Variants in MYRIP observed in about 807,000 individuals in gnomAD.
MYRIP encodes the protein myosin VIIA and Rab interacting protein.
MYRIP carries 49 observed loss-of-function variants against 98.0 expected under a neutral mutation model. The ratio of observed to expected loss-of-function variants is 0.50; its 90% CI spans 0.40 to 0.63. The LOEUF (loss-of-function observed/expected upper bound fraction) is 0.63, where lower values mean the gene tolerates loss of function less well. Ranked by LOEUF, MYRIP falls within the 30% of genes least tolerant of loss-of-function variation. The pLI is 0.00. For missense variants in MYRIP, 1,004 were observed against 1,058.2 expected (o/e 0.95, Z 0.71); for synonymous variants, 404 against 409.5 (o/e 0.99, Z 0.16).
intron 4 of MYRIP, among the ~76,000 whole-genome samples, chr3:40,162,475 G>C (rs1311802641): frequency 6.6e-6 from 1 of 152,134 alleles, no homozygotes; most frequent in African/African-American, 2.4e-5. Flanking sequence ...ACTCCATATT[G>C]CCTGCAAAGA....
At chr3:40,026,625 C>T (rs1947136124) in intron 2 of MYRIP, among the ~76,000 whole-genome samples, 1 of 152,120 alleles carries the variant, frequency 6.6e-6, no homozygotes. Flanking sequence ...CCAGTCCCTC[C>T]ATTCAGGGTC....
chr3:40,158,912 C>G (rs1470698924), intron 4 of MYRIP, among the ~76,000 whole-genome samples: 1 of 151,942 alleles, frequency 6.6e-6, no homozygotes, highest in Non-Finnish European at 1.5e-5. Context: ...GATGGGTTTC[C>G]TGAATACAGC....
At chr3:40,022,407 T>C (rs184836227) in intron 2 of MYRIP, among the ~76,000 whole-genome samples, 1 of 152,150 alleles carries the variant, frequency 6.6e-6, no homozygotes, top group Non-Finnish European at 1.5e-5. Context: ...AGGAAAAAGA[T>C]AAATTTGTCA....
chr3:40,005,958 G>A (rs1946624669), intron 2 of MYRIP, among the ~76,000 whole-genome samples: 1 of 152,144 alleles, frequency 6.6e-6, no homozygotes, highest in African/African-American at 2.4e-5. Flanking sequence ...GATAGACAAG[G>A]GAAGGCCTTT....
At chr3:40,250,990 T>C (rs1953360011) in intron 15 of MYRIP, among the ~76,000 whole-genome samples, 2 of 152,246 alleles carry the variant, frequency 1.3e-5, no homozygotes, top group Admixed American at 1.3e-4. Flanking sequence ...TGGTACTTGC[T>C]GTAGGATCTG....
chr3:40,158,315 A>T (rs1575584454), intron 4 of MYRIP, among the ~76,000 whole-genome samples: 2 of 151,974 alleles, frequency 1.3e-5, no homozygotes, highest in South Asian at 2.1e-4. Context: ...TTTGAGTGAG[A>T]TTCTTAATCC....
chr3:39,957,137 C>A lies in MYRIP; in HGVS notation c.110+56211C>A, dbSNP rs1020266690. Among the ~76,000 whole-genome samples the A allele has an allele frequency of 2.0e-5, 3 of 151,912 alleles. 1 individual carries two copies. Among genetic ancestry groups the A allele is most frequent in the African/African-American group, 7.3e-5 (3 of 41,210 alleles). The stretch of plus-strand genomic sequence containing the variant: ...TGGTACCATTCCTTCTGAAACTATT[C>A]CAATCAATAGAAAAAGAGGGAATCC... On this transcript the variant is annotated intron_variant, in intron 2 of 16. Coordinates refer to ENST00000302541, the MANE Select transcript of MYRIP (RefSeq NM_015460.4).
In MYRIP at chr3:40,258,383, A is replaced by G; in HGVS notation, c.*217A>G. 2.0e-6 allele frequency: 1 copy of G among 508,842 alleles called. No homozygotes were observed. The highest frequency in any genetic ancestry group is 3.5e-6 in the Non-Finnish European group (1 of 282,758). The allele number at this position is 508,842 out of a possible 1,614,324, so 31.5% of individuals were successfully genotyped here. ...TGCCCACTCTCTGCCTTAGGCTCCCAGGGGAATCCAAGACAGAAAATGAAG... is the reference window on the plus strand; with the variant it reads ...TGCCCACTCTCTGCCTTAGGCTCCCGGGGGAATCCAAGACAGAAAATGAAG... On this transcript the variant is annotated 3_prime_UTR_variant, in exon 17 of 17. Coordinates refer to ENST00000302541, the MANE Select transcript of MYRIP (RefSeq NM_015460.4).
intron 2 of MYRIP, 143 bp downstream of exon 2, chr3:39,901,069 G>A (rs911036206): frequency 9.8e-6 from 6 of 614,452 alleles, no homozygotes; most frequent in Non-Finnish European, 1.7e-5. Flanking sequence ...TTTGTAGAAA[G>A]GTTTGCCAGT....
Position 40,192,855 on chromosome 3 carries a change from G to A in MYRIP, c.1665+2392G>A, listed in dbSNP as rs534896968. Among the ~76,000 whole-genome samples, 3 of 152,276 alleles carry A rather than the reference G, an allele frequency of 2.0e-5. No homozygotes were observed. In the East Asian group the frequency reaches 5.8e-4, roughly 29 times the overall value. ...AGCTGAGTCATTGTATATAGAGGTG[G>A]AGACAAAATAGCACTGGTGCAGTTG... On this transcript the variant is annotated intron_variant, in intron 10 of 16. Coordinates refer to ENST00000302541, the MANE Select transcript of MYRIP (RefSeq NM_015460.4).
At chr3:40,102,260 AG>A (rs1948959204) in intron 3 of MYRIP, among the ~76,000 whole-genome samples, 1 of 152,218 alleles carries the variant, frequency 6.6e-6, no homozygotes, top group African/African-American at 2.4e-5. Context: ...GGGTAAGCAC[AG>A]TATAAAAGGG....
intron 8 of MYRIP, 143 bp downstream of exon 8, chr3:40,170,236 G>C: frequency 1.9e-6 from 2 of 1,056,050 alleles, no homozygotes; most frequent in South Asian, 3.6e-5. Flanking sequence ...GAGAAAGTGA[G>C]TGTGAGTCGG....
In MYRIP at chr3:40,044,086, G is replaced by A; in HGVS notation, c.147G>A (p.Lys49=). Residue 49 remains lysine (K), a synonymous_variant, in exon 3 of 17, where the codon AAG becomes AAA. Transcript: ENST00000302541. The part of the protein sequence containing the change: ...LKQKLDEEGS[K]CSILSKHQQF... ...AGAAGCTGGATGAGGAAGGCAGCAA[G>A]TGCAGCATCCTCTCGAAGCACCAGC... 6.2e-7 allele frequency: 1 copy of A among 1,614,108 alleles called. No individual in the cohort carries two copies. The highest frequency in any genetic ancestry group is 8.5e-7 in the Non-Finnish European group (1 of 1,180,006).
intron 3 of MYRIP, among the ~76,000 whole-genome samples, chr3:40,136,943 A>T (rs1176572327): frequency 3.4e-5 from 5 of 146,524 alleles, no homozygotes; most frequent in African/African-American, 7.5e-5. Flanking sequence ...AAAGATCTAA[A>T]ATGGACACCC....
chr3:39,856,521 C>T (rs186765019), intron 1 of MYRIP, among the ~76,000 whole-genome samples: 122 of 152,308 alleles, frequency 8.0e-4, no homozygotes, highest in Non-Finnish European at 1.4e-3. Flanking sequence ...TGGGGTCTCA[C>T]CTGGCCAGGG....
Position 40,244,519 on chromosome 3 carries a change from T to G in MYRIP, c.2174T>G (p.Ile725Ser). 1 of 1,613,982 alleles carries G rather than the reference T, an allele frequency of 6.2e-7. No individual in the cohort carries two copies. The highest frequency in any genetic ancestry group is 8.5e-7 in the Non-Finnish European group (1 of 1,179,922). The change falls in exon 13 of 17, where the codon ATC becomes AGC. Residue 725 changes from isoleucine to serine, a missense_variant. Around this residue, in one of 3 missense-constraint regions of MYRIP, gnomAD observed 880 missense variants for 907.7 expected, o/e 0.97. Transcript: ENST00000302541. ...GAGCTAGAAGATGCCGCCCGCTGCA[T>G]CCACAGTGGCACTGATGAGACCCAT... Reference protein sequence around the residue: ...LTELEDAARCIHSGTDETHLA... With the variant: ...LTELEDAARCSHSGTDETHLA...
chr3:40,172,253 C>T (rs1950634661), intron 8 of MYRIP, among the ~76,000 whole-genome samples: 1 of 152,132 alleles, frequency 6.6e-6, no homozygotes. Context: ...CAGTAATTGG[C>T]ATCAAGGGGA....
intron 3 of MYRIP, among the ~76,000 whole-genome samples, chr3:40,063,634 C>A (rs1948066272): frequency 6.6e-6 from 1 of 152,230 alleles, no homozygotes; most frequent in South Asian, 2.1e-4. Context: ...CTCTTTTCTT[C>A]TTGAAGCATA....
At chr3:40,060,584 T>A (rs905298162) in intron 3 of MYRIP, among the ~76,000 whole-genome samples, 2 of 94,200 alleles carry the variant, frequency 2.1e-5, no homozygotes, top group Non-Finnish European at 4.8e-5. Context: ...ATTTTCTTTT[T>A]TTTTCTTTTT....
Sources: allele counts gnomAD v4.1 joint callset (sites outside exome capture counted in the v4.1 genomes callset), GRCh38; gene constraint gnomAD v4.1.1; regional missense constraint gnomAD v4.1.1; transcripts MANE v1.5; gene names NCBI Gene and HGNC (gene_info 2026-07-23, HGNC 2026-07-21).